Variants in NDST3 observed in about 807,000 individuals in gnomAD.
The protein encoded by NDST3 is N-deacetylase and N-sulfotransferase 3, also known as bifunctional heparan sulfate N-deacetylase/N-sulfotransferase 3.
Under a neutral mutation model 96.1 loss-of-function variants are expected in NDST3, and 58 were observed. That is an observed-to-expected ratio of 0.60 (90% CI 0.49 to 0.75). The LOEUF is 0.75. NDST3 is among the 30% of genes least tolerant of loss of function. NDST3 has a pLI of 0.00. For synonymous variants in NDST3, 333 were observed against 359.7 expected (o/e 0.93, Z 0.84); for missense variants, 788 against 1,034.2 (o/e 0.76, Z 3.27).
intron 4 of NDST3, among the ~76,000 whole-genome samples, chr4:118,124,244 T>A (rs1005516718): frequency 7.2e-5 from 11 of 152,118 alleles, no homozygotes; most frequent in African/African-American, 2.7e-4. Context: ...GTATCTTCTT[T>A]GAGGAATGTC....
chr4:118,054,132 A>G lies in NDST3; in HGVS notation c.222A>G (p.Ser74=). 1 of 1,613,040 alleles carries G rather than the reference A, an allele frequency of 6.2e-7. No homozygotes were observed. The highest frequency in any genetic ancestry group is 8.5e-7 in the Non-Finnish European group (1 of 1,179,356). Residue 74 remains serine (S), a synonymous_variant, in exon 2 of 14, where the codon TCA becomes TCG. Transcript: ENST00000296499. ...AAGCAATGAAGCTTTTTGATGCCTC[A>G]AGGACAGACCCCACAGTCCTAGTAT... is the stretch of plus-strand genomic sequence containing the variant. ...EVKAMKLFDA[S]RTDPTVLVFV...
intron 12 of NDST3, among the ~76,000 whole-genome samples, chr4:118,252,948 A>C (rs1741849923): frequency 6.6e-6 from 1 of 152,226 alleles, no homozygotes; most frequent in African/African-American, 2.4e-5. Context: ...ACTTTAATAC[A>C]GAGCTCATAC....
intron 6 of NDST3, among the ~76,000 whole-genome samples, chr4:118,178,161 T>C (rs1736389865): frequency 6.6e-6 from 1 of 152,128 alleles, no homozygotes; most frequent in Non-Finnish European, 1.5e-5. Flanking sequence ...GGATGTGTTA[T>C]TTTAATATTT....
chr4:118,152,992 C>T (rs10002892), intron 6 of NDST3, among the ~76,000 whole-genome samples: 4,248 of 152,274 alleles, frequency 0.028, 218 homozygotes, highest in African/African-American at 0.097. Flanking sequence ...CCACATGCCC[C>T]CCACTTCTAA....
At chr4:118,097,633 G>C (rs1354455908) in intron 2 of NDST3, among the ~76,000 whole-genome samples, 2 of 151,870 alleles carry the variant, frequency 1.3e-5, no homozygotes, top group Non-Finnish European at 2.9e-5. Context: ...GTACATAGAA[G>C]TTTGAGAAGC....
chr4:118,088,967 G>A (rs1392711905), intron 2 of NDST3, among the ~76,000 whole-genome samples: 1 of 151,854 alleles, frequency 6.6e-6, no homozygotes, highest in Admixed American at 6.6e-5. Context: ...CTCAATTAAA[G>A]CAATTGAGTT....
intron 6 of NDST3, among the ~76,000 whole-genome samples, chr4:118,179,531 T>G (rs1736469925): frequency 6.6e-6 from 1 of 152,024 alleles, no homozygotes; most frequent in Non-Finnish European, 1.5e-5. Context: ...GGAGGTCCAC[T>G]CCCAATTAAA....
chr4:118,236,786 G>A (rs1740674706), intron 9 of NDST3, among the ~76,000 whole-genome samples: 1 of 152,114 alleles, frequency 6.6e-6, no homozygotes, highest in Non-Finnish European at 1.5e-5. Flanking sequence ...TGATCACTCT[G>A]TGTCTACATT....
At chr4:118,161,581 C>T (rs999580723) in intron 6 of NDST3, among the ~76,000 whole-genome samples, 13 of 152,140 alleles carry the variant, frequency 8.5e-5, no homozygotes, top group Admixed American at 4.6e-4. Flanking sequence ...CGATGGTGGG[C>T]GCCTATCCCC....
At chr4:118,193,842 C>G in intron 6 of NDST3, 1 of 1,306,618 alleles carries the variant, frequency 7.7e-7, no homozygotes, top group African/African-American at 1.5e-5. Flanking sequence ...AGGGCCTGTG[C>G]CTTCTGTGTT....
intron 12 of NDST3, among the ~76,000 whole-genome samples, chr4:118,251,135 T>A (rs868677402): frequency 1.6e-4 from 23 of 143,188 alleles, no homozygotes; most frequent in East Asian, 6.0e-4. Context: ...ATTTTATTTT[T>A]TTTTTTTTTG....
At chr4:118,166,014 A>G (rs1202906784) in intron 6 of NDST3, among the ~76,000 whole-genome samples, 2 of 151,920 alleles carry the variant, frequency 1.3e-5, no homozygotes, top group Non-Finnish European at 2.9e-5. Flanking sequence ...TCAAGAAACT[A>G]GAAAAAAAAG....
At chr4:118,069,541 A>G (rs1726873716) in intron 2 of NDST3, among the ~76,000 whole-genome samples, 1 of 152,046 alleles carries the variant, frequency 6.6e-6, no homozygotes, top group Admixed American at 6.6e-5. Flanking sequence ...TAAACAATCC[A>G]CGCACTTTGT....
At chr4:118,232,048 T>C (rs1740334867) in intron 8 of NDST3, among the ~76,000 whole-genome samples, 1 of 152,150 alleles carries the variant, frequency 6.6e-6, no homozygotes, top group African/African-American at 2.4e-5. Flanking sequence ...GGCACCATTT[T>C]TTTTTCCAAT....
At chr4:118,136,256 T>A (rs1219163017) in intron 4 of NDST3, among the ~76,000 whole-genome samples, 26 of 152,198 alleles carry the variant, frequency 1.7e-4, no homozygotes, top group Non-Finnish European at 2.9e-5. Flanking sequence ...AAAGTTGAAA[T>A]TTAAAATAAA....
intron 6 of NDST3, among the ~76,000 whole-genome samples, chr4:118,151,865 C>T (rs1282520284): frequency 1.3e-5 from 2 of 152,128 alleles, no homozygotes; most frequent in African/African-American, 4.8e-5. Context: ...ACTTTTTCTA[C>T]TCTGATTTAG....
intron 4 of NDST3, among the ~76,000 whole-genome samples, chr4:118,120,927 T>C (rs1731512069): frequency 6.6e-6 from 1 of 152,228 alleles, no homozygotes; most frequent in Non-Finnish European, 1.5e-5. Flanking sequence ...AAGATCACAT[T>C]ACATTTTTAC....
At chr4:118,048,794 C>G (rs2110437526) in intron 1 of NDST3, among the ~76,000 whole-genome samples, 1 of 152,028 alleles carries the variant, frequency 6.6e-6, no homozygotes, top group East Asian at 1.9e-4. Flanking sequence ...ATGTCAACAC[C>G]CCACTCACAA....
rs1221496571 is a variant in NDST3 at position 118,237,565 on chromosome 4, ATAC to A, written c.2118+347_2118+349del. ...TTTAAAATCATTATTTTTTCATCTA[ATAC>A]TTGTGTACTCTATAAAGAGTCAGAT... On this transcript the variant is annotated intron_variant, in intron 10 of 13. Transcript: ENST00000296499. Among the ~76,000 whole-genome samples the A allele has an allele frequency of 2.6e-5, 4 of 152,242 alleles. No individual in the cohort carries two copies. In the East Asian group the frequency reaches 7.7e-4, roughly 29 times the overall value.
Sources: gnomAD v4.1 joint callset for allele counts (sites outside exome capture counted in the v4.1 genomes callset) on GRCh38, gnomAD v4.1.1 for gene constraint, MANE v1.5 for transcripts, NCBI Gene and HGNC (gene_info 2026-07-23, HGNC 2026-07-21) for gene names.